The following ACACA variants were observed in gnomAD, a reference collection of about 807,000 sequenced individuals.
ACACA encodes the protein acetyl-CoA carboxylase 1.
In ACACA, 103 loss-of-function variants were observed where a neutral mutation model predicts 296.1. That is an observed-to-expected ratio of 0.35 (90% CI 0.30 to 0.41). The LOEUF is 0.41. ACACA is among the 10% of genes least tolerant of loss of function. The pLI is 1.00. For synonymous variants in ACACA, 953 were observed against 1,038.6 expected (o/e 0.92, Z 1.58); for missense variants, 1,554 against 2,989.7 (o/e 0.52, Z 11.20).
intron 22 of ACACA, 112 bp downstream of exon 22, chr17:37,243,259 G>A (rs2080510775): frequency 7.8e-6 from 9 of 1,148,338 alleles, no homozygotes; most frequent in African/African-American, 1.5e-5. Context: ...ATGCTTAAAA[G>A]TATACAAGCA....
At chr17:37,175,946 G>C (rs2077096516) in intron 41 of ACACA, among the ~76,000 whole-genome samples, 1 of 152,140 alleles carries the variant, frequency 6.6e-6, no homozygotes, top group African/African-American at 2.4e-5. Context: ...CTAAACACAG[G>C]CATAAATGTT....
At chr17:37,174,926 A>G (rs2077053649) in intron 41 of ACACA, among the ~76,000 whole-genome samples, 1 of 152,200 alleles carries the variant, frequency 6.6e-6, no homozygotes, top group Admixed American at 6.5e-5. Context: ...TTGGATATAC[A>G]TCTTGTACCT....
chr17:37,251,523 T>G (rs1452275958), intron 16 of ACACA, among the ~76,000 whole-genome samples: 1 of 152,222 alleles, frequency 6.6e-6, no homozygotes, highest in Admixed American at 6.5e-5. Flanking sequence ...CAGAGCTTAG[T>G]CTCCTCAATC....
chr17:37,208,463 A>C (rs1232076637), intron 30 of ACACA, among the ~76,000 whole-genome samples: 1 of 152,126 alleles, frequency 6.6e-6, no homozygotes, highest in Non-Finnish European at 1.5e-5. Context: ...CCTTTTTGAA[A>C]GAGAGCTATT....
chr17:37,161,687 T>A (rs779748734), intron 42 of ACACA, 94 bp downstream of exon 42: 52 of 1,464,812 alleles, frequency 3.5e-5, no homozygotes, highest in Non-Finnish European at 4.6e-5. Flanking sequence ...TAAGTGGTGA[T>A]TTTTGAACTT....
At chr17:37,269,994 CT>C (rs1234051909) in intron 10 of ACACA, among the ~76,000 whole-genome samples, 2 of 152,178 alleles carry the variant, frequency 1.3e-5, no homozygotes, top group Non-Finnish European at 2.9e-5. Context: ...AAAGAGACCC[CT>C]GTCTCCCTTT....
intron 45 of ACACA, 125 bp downstream of exon 45, chr17:37,149,739 G>T: frequency 2.5e-6 from 2 of 800,110 alleles, no homozygotes; most frequent in Non-Finnish European, 4.4e-6. Context: ...GGAGGGAGAG[G>T]GGAAGAGATA....
intron 1 of ACACA, among the ~76,000 whole-genome samples, chr17:37,366,737 G>A (rs2049619666): frequency 6.6e-6 from 1 of 151,670 alleles, no homozygotes; most frequent in African/African-American, 2.4e-5. Context: ...AAAGTGCTGG[G>A]ATTACACACG....
At chr17:37,398,505 G>A (rs1192960303) in intron 1 of ACACA, among the ~76,000 whole-genome samples, 2 of 139,868 alleles carry the variant, frequency 1.4e-5, no homozygotes, top group African/African-American at 2.7e-5. Flanking sequence ...AGGCTGTCTC[G>A]AACTCCTGAC....
chr17:37,311,567 A>G (rs2084146921), intron 3 of ACACA, among the ~76,000 whole-genome samples: 1 of 152,222 alleles, frequency 6.6e-6, no homozygotes, highest in African/African-American at 2.4e-5. Flanking sequence ...GCAAAGCTAT[A>G]AATTAAAAGT....
chr17:37,312,683 A>G (rs2084213199), intron 3 of ACACA, among the ~76,000 whole-genome samples: 1 of 152,202 alleles, frequency 6.6e-6, no homozygotes, highest in Non-Finnish European at 1.5e-5. Flanking sequence ...GTAATAGACT[A>G]GGCTAGAGAT....
Position 37,223,664 on chromosome 17 carries a change from AT to A in ACACA, c.3475-64del, listed in dbSNP as rs2079399216. ...AAGGAGAACAATTTCAATGGACACT[AT>A]TTGGCATTTGAAGCATTTAGTGAAA... On this transcript the variant is annotated intron_variant, in intron 27 of 55. Coordinates refer to ENST00000616317, the MANE Select transcript of ACACA (RefSeq NM_198834.3). 4.9e-6 allele frequency: 6 copies of A among 1,225,096 alleles called. 1 individual carries two copies. In the South Asian group the frequency reaches 7.2e-5, roughly 15 times the overall value. 75.9% of individuals were successfully genotyped at this position (1,225,096 alleles called of 1,614,324 possible). A position where few individuals can be genotyped will look rare whatever the true frequency, so the allele number is the denominator to read the frequency against.
intron 1 of ACACA, among the ~76,000 whole-genome samples, chr17:37,340,132 T>C (rs928522119): frequency 6.6e-6 from 1 of 152,208 alleles, no homozygotes; most frequent in Admixed American, 6.5e-5. Flanking sequence ...ACTCGATGAA[T>C]ACATTTCAAA....
At chr17:37,360,900 T>G (rs570012765) in intron 1 of ACACA, among the ~76,000 whole-genome samples, 1 of 152,234 alleles carries the variant, frequency 6.6e-6, no homozygotes, top group Admixed American at 6.5e-5. Flanking sequence ...GAGGGAAGCC[T>G]TGCCTTTCCA....
At chr17:37,174,223 TAA>T (rs773130340) in intron 41 of ACACA, among the ~76,000 whole-genome samples, 2 of 140,742 alleles carry the variant, frequency 1.4e-5, no homozygotes, top group Non-Finnish European at 1.6e-5. Flanking sequence ...TCCTCTTCTT[TAA>T]AAAAAAAAAA....
intron 3 of ACACA, among the ~76,000 whole-genome samples, chr17:37,296,301 CTTTTTTT>C (rs369893845): frequency 1.0e-5 from 1 of 100,374 alleles, no homozygotes; most frequent in Non-Finnish European, 1.9e-5. Context: ...TCTTTGGAGC[CTTTTTTT>C]TTTTTTTTTT....
chr17:37,263,340 G>A (rs1044700172), intron 11 of ACACA, among the ~76,000 whole-genome samples: 1 of 152,128 alleles, frequency 6.6e-6, no homozygotes, highest in Admixed American at 6.6e-5. Flanking sequence ...CTGAAGACTT[G>A]ATGATACTCA....
In ACACA at chr17:37,210,449, A is replaced by G; in HGVS notation, c.3707+18T>C. The G allele has an allele frequency of 6.2e-7, 1 of 1,610,634 alleles. No individual in the cohort carries two copies. Among genetic ancestry groups the G allele is most frequent in the Non-Finnish European group, 8.5e-7 (1 of 1,177,032 alleles). ...ATAAAGGTGCTTTTAATTGGAAAAG[A>G]AACTAAACATACGGTACCTGTTTAG... On this transcript the variant is annotated intron_variant, in intron 30 of 55. Coordinates refer to ENST00000616317, the MANE Select transcript of ACACA (RefSeq NM_198834.3).
At chr17:37,125,912 A>C in intron 47 of ACACA, 118 bp from the exon 48 acceptor site, 2 of 853,250 alleles carry the variant, frequency 2.3e-6, no homozygotes, top group South Asian at 2.9e-5. Context: ...GTTGTTTTTA[A>C]CCAAATTATA....
Sources: allele counts gnomAD v4.1 joint callset (sites outside exome capture counted in the v4.1 genomes callset), GRCh38; gene constraint gnomAD v4.1.1; transcripts MANE v1.5; gene names NCBI Gene and HGNC (gene_info 2026-07-23, HGNC 2026-07-21).